The following TAB2 variants were observed in gnomAD, a reference collection of about 807,000 sequenced individuals.
TAB2 encodes the protein TGF-beta-activated kinase 1 and MAP3K7-binding protein 2.
In TAB2, 3 loss-of-function variants were observed where a neutral mutation model predicts 65.0. That is an observed-to-expected ratio of 0.05 (90% CI 0.02 to 0.12). The LOEUF (loss-of-function observed/expected upper bound fraction) is 0.12. TAB2 is among the 10% of genes least tolerant of loss of function. TAB2 has a pLI of 1.00. For synonymous variants in TAB2, 298 were observed against 285.1 expected (o/e 1.05, Z -0.46); for missense variants, 623 against 840.3 (o/e 0.74, Z 3.20).
At chr6:149,253,928 A>AAGAAAGAAAG (rs1374302905) in intron 1 of TAB2, among the ~76,000 whole-genome samples, 1 of 137,914 alleles carries the variant, frequency 7.3e-6, no homozygotes, top group African/African-American at 2.6e-5. Flanking sequence ...TCTCGAAAGA[A>AAGAAAGAAAG]AGAAAGAAAG....
chr6:149,294,272 C>A (rs944180100), intron 1 of TAB2, among the ~76,000 whole-genome samples: 3 of 152,168 alleles, frequency 2.0e-5, no homozygotes, highest in African/African-American at 7.2e-5. Context: ...GTGTTCCAGA[C>A]CTCCTTCCTT....
intron 1 of TAB2, among the ~76,000 whole-genome samples, chr6:149,250,343 T>C (rs979648631): frequency 4.6e-5 from 7 of 152,026 alleles, no homozygotes; most frequent in Non-Finnish European, 8.8e-5. Context: ...CTAGCTCTTG[T>C]CACCCAGGCT....
chr6:149,241,228 G>A (rs1405971441), intron 1 of TAB2, among the ~76,000 whole-genome samples: 1 of 152,070 alleles, frequency 6.6e-6, no homozygotes, highest in African/African-American at 2.4e-5. Flanking sequence ...CCAGTCTATG[G>A]TATTTTGTTA....
chr6:149,370,665 A>G (rs1297262773), intron 2 of TAB2, among the ~76,000 whole-genome samples: 1 of 152,088 alleles, frequency 6.6e-6, no homozygotes, highest in Non-Finnish European at 1.5e-5. Context: ...ATCACCCTCT[A>G]ATTTGTACAT....
chr6:149,247,230 T>C (rs1198806470), intron 1 of TAB2: 1 of 152,346 alleles, frequency 6.6e-6, no homozygotes, highest in East Asian at 1.9e-4. Flanking sequence ...CTGCACTGGG[T>C]CTGCTTTACA....
intron 1 of TAB2, among the ~76,000 whole-genome samples, chr6:149,270,193 G>A (rs920264188): frequency 2.6e-5 from 4 of 152,128 alleles, no homozygotes; most frequent in Non-Finnish European, 1.5e-5. Context: ...AATTATTAGC[G>A]ATGTAAAACA....
At chr6:149,264,816 A>G (rs952194177) in intron 1 of TAB2, among the ~76,000 whole-genome samples, 1 of 152,272 alleles carries the variant, frequency 6.6e-6, no homozygotes, top group African/African-American at 2.4e-5. Flanking sequence ...GGAAAACAGC[A>G]AAGATCAAAG....
intron 6 of TAB2, among the ~76,000 whole-genome samples, chr6:149,399,737 CATAA>C (rs1782306671): frequency 6.6e-6 from 1 of 152,110 alleles, no homozygotes; most frequent in Admixed American, 6.5e-5. Flanking sequence ...GAAACAGGTA[CATAA>C]ATATCACTGC....
At chr6:149,320,596 G>T (rs1244699574) in intron 1 of TAB2, among the ~76,000 whole-genome samples, 1 of 152,146 alleles carries the variant, frequency 6.6e-6, no homozygotes, top group Non-Finnish European at 1.5e-5. Flanking sequence ...TGAAAAATAA[G>T]TATAATGTAG....
At chr6:149,403,313 T>TATATACAC (rs1298336581) in intron 6 of TAB2, among the ~76,000 whole-genome samples, 1 of 66,870 alleles carries the variant, frequency 1.5e-5, no homozygotes, top group African/African-American at 6.5e-5. Context: ...TATATATATA[T>TATATACAC]ACACACACAT....
At chr6:149,376,450 A>C (rs1249040342) in intron 2 of TAB2, among the ~76,000 whole-genome samples, 1 of 152,246 alleles carries the variant, frequency 6.6e-6, no homozygotes, top group African/African-American at 2.4e-5. Context: ...AGCTCCAGCC[A>C]GATCTGTTCC....
At chr6:149,308,855 C>A (rs1562408226) in intron 1 of TAB2, among the ~76,000 whole-genome samples, 1 of 152,008 alleles carries the variant, frequency 6.6e-6, no homozygotes, top group Non-Finnish European at 1.5e-5. Context: ...ATTCTCTGTG[C>A]CTTGTGGGGT....
intron 3 of TAB2, among the ~76,000 whole-genome samples, chr6:149,388,919 A>G (rs1163231989): frequency 2.0e-5 from 3 of 149,482 alleles, no homozygotes; most frequent in African/African-American, 4.9e-5. Context: ...AAGCCTTTCC[A>G]TATTCCAAGA....
chr6:149,323,325 C>G (rs988898592), intron 1 of TAB2, among the ~76,000 whole-genome samples: 5 of 152,024 alleles, frequency 3.3e-5, no homozygotes, highest in African/African-American at 1.2e-4. Flanking sequence ...TAACCTATTT[C>G]TATGATGTTA....
intron 1 of TAB2, among the ~76,000 whole-genome samples, chr6:149,326,423 A>G (rs1779620459): frequency 6.6e-6 from 1 of 152,216 alleles, no homozygotes; most frequent in Admixed American, 6.6e-5. Context: ...TTTTTATGCA[A>G]TCTGTAAAAT....
intron 1 of TAB2, among the ~76,000 whole-genome samples, chr6:149,335,401 C>CT (rs1779904544): frequency 6.6e-6 from 1 of 151,864 alleles, no homozygotes; most frequent in South Asian, 2.1e-4. Flanking sequence ...GGGTATTACT[C>CT]TGTCACCCAG....
chr6:149,225,104 G>A (rs990081105), intron 1 of TAB2, among the ~76,000 whole-genome samples: 1 of 152,188 alleles, frequency 6.6e-6, no homozygotes, highest in Non-Finnish European at 1.5e-5. Context: ...AGACATTACA[G>A]CCAAATTGAA....
rs61004397 is a variant in TAB2, at chr6:149,333,708, A to AGTGTGTGTGT, written c.-90+15722_-90+15731dup. On this transcript the variant is annotated intron_variant, in intron 1 of 6. Transcript: ENST00000637181. The stretch of plus-strand genomic sequence containing the variant: ...TATATTCTTTTATTTCCAGATCCAT[A>AGTGTGTGTGT]GTGTGTGTGTGTGTGTGTGTGTGTG... 5.2e-3 allele frequency among the ~76,000 whole-genome samples: 750 copies of AGTGTGTGTGT among 144,884 alleles called. 4 individuals carry two copies. The highest frequency in any genetic ancestry group is 6.3e-3 in the Non-Finnish European group (412 of 65,016).
intron 1 of TAB2, among the ~76,000 whole-genome samples, chr6:149,302,177 G>A (rs1463623777): frequency 1.3e-5 from 2 of 151,982 alleles, no homozygotes; most frequent in Admixed American, 1.3e-4. Flanking sequence ...AGAAAATTAT[G>A]AACATATATA....
Sources: gnomAD v4.1 joint callset for allele counts (sites outside exome capture counted in the v4.1 genomes callset) on GRCh38, gnomAD v4.1.1 for gene constraint, MANE v1.5 for transcripts, NCBI Gene and HGNC (gene_info 2026-07-23, HGNC 2026-07-21) for gene names.